Variants in BOD1L1 observed in about 807,000 individuals in gnomAD.
The protein encoded by BOD1L1 is biorientation of chromosomes in cell division protein 1-like 1.
In BOD1L1, 86 loss-of-function variants were observed where a neutral mutation model predicts 240.7. That is an observed-to-expected ratio of 0.36 (90% CI 0.30 to 0.43). The LOEUF is 0.43. Among genes scored for constraint, BOD1L1 ranks in the 20% least tolerant of loss-of-function variants. BOD1L1 has a pLI of 1.00. For synonymous variants in BOD1L1, 1,268 were observed against 1,272.3 expected, an observed-to-expected ratio of 1.00 and a Z score of 0.07; for missense variants, 3,554 against 3,643.5, an observed-to-expected ratio of 0.98 and a Z score of 0.63.
Position 13,601,985 on chromosome 4 carries a change from C to A in BOD1L1, c.4915G>T (p.Glu1639Ter). 6.2e-7 allele frequency: 1 copy of A among 1,614,032 alleles called. No homozygotes were observed. The highest frequency in any genetic ancestry group is 8.5e-7 in the Non-Finnish European group (1 of 1,179,906). The change falls in exon 10 of 26, where the codon GAA becomes TAA. Residue 1639 changes from glutamate (E) to a stop codon, truncating the protein, a stop_gained. Transcript: ENST00000040738. LOFTEE classifies it high-confidence loss of function. ...GTCACAACGCTATTTACATTGGCTT[C>A]GATTTTAACTGCATGCACAGCCAGT... ...DLLAVHAVKI[E>*]ANVNSVVTEE... is the part of the protein sequence containing the mutation.
At position 13,582,740 on chromosome 4, in the gene BOD1L1, T is replaced by C. The variant is rs757674748; in HGVS notation, c.8434-4A>G. ...CCAAATCTCTGGAGTTCTCTTCCTA[T>C]AGAGAAGTTGAAAAAGACTAGAACC... On this transcript the variant is annotated splice_region_variant and splice_polypyrimidine_tract_variant and intron_variant, in intron 17 of 25. Coordinates refer to ENST00000040738, the MANE Select transcript of BOD1L1 (RefSeq NM_148894.3). 5.0e-6 allele frequency: 8 copies of C among 1,592,834 alleles called. No homozygotes were observed. The highest frequency in any genetic ancestry group is 3.3e-5 in the South Asian group (3 of 90,368).
In BOD1L1 at chr4:13,599,626, G is replaced by A; in HGVS notation, c.7274C>T (p.Ala2425Val). The change falls in exon 10 of 26, where the codon GCT becomes GTT. Residue 2425 changes from alanine to valine, a missense_variant. Ala to Val is a moderately conservative substitution (Grantham distance 64). Transcript: ENST00000040738. ...KPSAGQGHPSAVCAEKEEKHG... is the reference protein window; with the variant it reads ...KPSAGQGHPSVVCAEKEEKHG... Reference sequence around the variant, plus strand: ...CTTCTCTTCTTTTTCCGCACAAACAGCACTTGGATGGCCTTGCCCTGCAGA... The same window carrying A: ...CTTCTCTTCTTTTTCCGCACAAACAACACTTGGATGGCCTTGCCCTGCAGA... The A allele has an allele frequency of 6.2e-7, 1 of 1,614,038 alleles. No homozygotes were observed. Among genetic ancestry groups the A allele is most frequent in the Non-Finnish European group, 8.5e-7 (1 of 1,179,900 alleles).
chr4:13,626,042 C>G (rs2109006926), intron 1 of BOD1L1: 1 of 152,342 alleles, frequency 6.6e-6, no homozygotes, highest in South Asian at 2.1e-4. Context: ...CTCAGAACAA[C>G]TAAACATACT....
At position 13,604,979 on chromosome 4, in the gene BOD1L1, C is replaced by G; in HGVS notation, c.1921G>C (p.Val641Leu). The change falls in exon 10 of 26, where the codon GTT (valine) becomes CTT (leucine). Residue 641 changes from valine to leucine, a missense_variant. Physicochemically the swap from Val to Leu is conservative, Grantham distance 32. Transcript: ENST00000040738. Reference protein sequence around the residue: ...ARRLSESLHVVDENKNESKLE... With the variant: ...ARRLSESLHVLDENKNESKLE... ...TTGGATTCATTTTTGTTTTCGTCAA[C>G]TACATGCAAAGACTCTGAAAGTCTC... is the stretch of plus-strand genomic sequence containing the variant. 8 of 1,613,536 alleles carry G rather than the reference C, an allele frequency of 5.0e-6. No individual in the cohort carries two copies. The highest frequency in any genetic ancestry group is 6.8e-6 in the Non-Finnish European group (8 of 1,179,744).
At chr4:13,597,672 T>C (rs1216598372) in intron 10 of BOD1L1, among the ~76,000 whole-genome samples, 1 of 152,224 alleles carries the variant, frequency 6.6e-6, no homozygotes, top group African/African-American at 2.4e-5. Context: ...TCTTGCCTCT[T>C]ATATCCTTCT....
At chr4:13,605,872 A>G (rs970530514) in intron 9 of BOD1L1, among the ~76,000 whole-genome samples, 4 of 152,168 alleles carry the variant, frequency 2.6e-5, no homozygotes, top group East Asian at 3.8e-4. Context: ...TATGTATTCA[A>G]AAAAAGATAC....
intron 11 of BOD1L1, among the ~76,000 whole-genome samples, chr4:13,596,841 C>A (rs1038994052): frequency 2.0e-5 from 3 of 152,000 alleles, no homozygotes; most frequent in African/African-American, 4.8e-5. Context: ...TAAGAAATGG[C>A]GATAGATTAA....
rs779633458 is a variant in BOD1L1, at chr4:13,601,480, G to A, written c.5420C>T (p.Thr1807Ile). 1.9e-6 allele frequency: 3 copies of A among 1,613,976 alleles called. No homozygotes were observed. Among genetic ancestry groups the A allele is most frequent in the East Asian group, 4.5e-5 (2 of 44,886 alleles). Residue 1807 changes from threonine to isoleucine, a missense_variant, in exon 10 of 26, where the codon ACA becomes ATA. Coordinates refer to ENST00000040738, the MANE Select transcript of BOD1L1 (RefSeq NM_148894.3). ...TEDGEGPASC[T>I]GSEDSSEGFA... is the part of the protein sequence containing the mutation. ...GCCTTCGCTGCTATCTTCTGAACCT[G>A]TGCAACTTGCTGGCCCCTCTCCATC...
intron 2 of BOD1L1, 87 bp from the exon 3 acceptor site, chr4:13,615,589 A>C: frequency 8.2e-7 from 1 of 1,214,884 alleles, no homozygotes; most frequent in African/African-American, 1.5e-5. Context: ...ACAATCTGTC[A>C]TCTATCTATC....
Position 13,604,661 on chromosome 4 carries a change from C to T in BOD1L1, c.2239G>A (p.Gly747Ser). The T allele has an allele frequency of 6.3e-7, 1 of 1,589,902 alleles. No homozygotes were observed. The highest frequency in any genetic ancestry group is 8.5e-7 in the Non-Finnish European group (1 of 1,173,654). Residue 747 changes from glycine (G) to serine (S), a missense_variant, in exon 10 of 26, where the codon GGT (glycine) becomes AGT (serine). Gly to Ser is a moderately conservative substitution (Grantham distance 56, BLOSUM62 0). Coordinates refer to ENST00000040738, the MANE Select transcript of BOD1L1 (RefSeq NM_148894.3). ...TCACCTGTTTTATGCATACAATCAC[C>T]TTTATATTTATGTTTCACAGACAAT... ...DKLSVKHKYK[G>S]DCMHKTGDET...
chr4:13,574,628 T>C (rs867466159), intron 25 of BOD1L1, among the ~76,000 whole-genome samples: 3 of 152,168 alleles, frequency 2.0e-5, no homozygotes, highest in Non-Finnish European at 2.9e-5. Flanking sequence ...AGGGAAGCAG[T>C]AATTCTGGTG....
rs1440173721 is a variant in BOD1L1, at chr4:13,568,973, A to C, written c.*1038T>G. Reference sequence around the variant, plus strand: ...ATTTGATCGTAAGAAGTTTAATCTTATGAAAAACTGAAGTTGGACAGTTTG... The same window carrying C: ...ATTTGATCGTAAGAAGTTTAATCTTCTGAAAAACTGAAGTTGGACAGTTTG... On this transcript the variant is annotated 3_prime_UTR_variant, in exon 26 of 26. Transcript: ENST00000040738. 1 of 152,234 alleles carries C rather than the reference A, an allele frequency of 6.6e-6. No homozygotes were observed. Among genetic ancestry groups the C allele is most frequent in the East Asian group, 1.9e-4 (1 of 5,208 alleles). 9.4% of individuals were successfully genotyped at this position (152,234 alleles called of 1,614,324 possible).
intron 12 of BOD1L1, chr4:13,593,080 C>G (rs965034877): frequency 6.6e-6 from 1 of 152,120 alleles, no homozygotes; most frequent in East Asian, 1.9e-4. Context: ...GAAAGGCTCA[C>G]TGGAAGTTTG....
At chr4:13,608,486 C>T in intron 8 of BOD1L1, 44 bp downstream of exon 8, 1 of 1,443,608 alleles carries the variant, frequency 6.9e-7, no homozygotes, top group Non-Finnish European at 9.1e-7. Context: ...TGAAAGCACC[C>T]AGGGGAGTGT....
chr4:13,613,456 A>G lies in BOD1L1; in HGVS notation c.1324+56T>C. On this transcript the variant is annotated intron_variant, in intron 5 of 25. Transcript: ENST00000040738. The surrounding 1 kb of genome is among the most constrained non-coding windows in gnomAD (Gnocchi z 4.0). ...TTTCTCAGGATATAGCCATCAGAAT[A>G]TACAAATAATGCTTGACAGGATGCT... 10 of 1,498,526 alleles carry G rather than the reference A, an allele frequency of 6.7e-6. No individual in the cohort carries two copies. The highest frequency in any genetic ancestry group is 8.2e-6 in the Non-Finnish European group (9 of 1,093,576). The allele number at this position is 1,498,526 out of a possible 1,614,324, so 92.8% of individuals were successfully genotyped here.
intron 17 of BOD1L1, 69 bp from the exon 18 acceptor site, chr4:13,582,805 A>C: frequency 9.4e-7 from 1 of 1,066,050 alleles, no homozygotes; most frequent in Non-Finnish European, 1.4e-6. Context: ...TCCTCCCCAC[A>C]CAAGTTTGCC....
chr4:13,620,657 C>T (rs180749718), intron 1 of BOD1L1, among the ~76,000 whole-genome samples: 1 of 152,222 alleles, frequency 6.6e-6, no homozygotes, highest in Admixed American at 6.5e-5. Flanking sequence ...AGAATGGGAG[C>T]CCACTGCACA....
At chr4:13,607,054 A>G in intron 9 of BOD1L1, 63 bp downstream of exon 9, 1 of 1,104,342 alleles carries the variant, frequency 9.1e-7, no homozygotes, top group Non-Finnish European at 1.3e-6. Flanking sequence ...GTTTTACTCC[A>G]AAGGAATAAA....
intron 8 of BOD1L1, 47 bp downstream of exon 8, chr4:13,608,483 A>G: frequency 7.0e-7 from 1 of 1,436,720 alleles, no homozygotes; most frequent in Non-Finnish European, 9.1e-7. Flanking sequence ...TTCTGAAAGC[A>G]CCCAGGGGAG....
Sources: allele counts gnomAD v4.1 joint callset (sites outside exome capture counted in the v4.1 genomes callset), GRCh38; gene constraint gnomAD v4.1.1; non-coding constraint Gnocchi (gnomAD v3.1); transcripts MANE v1.5; gene names NCBI Gene and HGNC (gene_info 2026-07-23, HGNC 2026-07-21).